Variants in COL28A1 observed in about 807,000 individuals in gnomAD.
COL28A1 encodes collagen alpha-1(XXVIII) chain.
COL28A1 carries 161 observed loss-of-function variants against 150.2 expected under a neutral mutation model. The observed-to-expected ratio is 1.07, with a 90% CI of 0.94 to 1.22. COL28A1 has a LOEUF of 1.22. Among genes scored for constraint, COL28A1 ranks in the 50% most tolerant of loss-of-function variants. COL28A1 has a pLI of 0.00. For missense variants in COL28A1, 1,617 were observed against 1,388.3 expected, an observed-to-expected ratio of 1.16 and a Z score of -2.62; for synonymous variants, 552 against 469.7, an observed-to-expected ratio of 1.18 and a Z score of -2.26.
At chr7:7,477,804 A>C (rs184989440) in intron 13 of COL28A1, among the ~76,000 whole-genome samples, 1 of 152,150 alleles carries the variant, frequency 6.6e-6, no homozygotes, top group African/African-American at 2.4e-5. Flanking sequence ...TCTGCTGGCT[A>C]GGGCAGCCTG....
At chr7:7,498,261 C>A (rs771465502) in intron 11 of COL28A1, among the ~76,000 whole-genome samples, 1 of 152,106 alleles carries the variant, frequency 6.6e-6, no homozygotes, top group Non-Finnish European at 1.5e-5. Context: ...GACCAGTCAG[C>A]AGCCCATTAG....
intron 22 of COL28A1, 56 bp from the exon 23 acceptor site, chr7:7,436,519 C>A: frequency 1.1e-6 from 1 of 900,836 alleles, no homozygotes. Flanking sequence ...ATCACAAGCA[C>A]ACATAGCAAA....
intron 27 of COL28A1, among the ~76,000 whole-genome samples, chr7:7,415,857 C>G (rs1784048347): frequency 6.6e-6 from 1 of 152,078 alleles, no homozygotes; most frequent in Admixed American, 6.5e-5. Context: ...GGCTGGAGTA[C>G]AGTGGCACTA....
At chr7:7,529,289 C>A (rs374990322) in intron 3 of COL28A1, among the ~76,000 whole-genome samples, 641 of 127,118 alleles carry the variant, frequency 5.0e-3, no homozygotes, top group Non-Finnish European at 6.0e-3. Flanking sequence ...AACTCTGTCT[C>A]AAAAAAAAAA....
rs147675518 is a variant in COL28A1, at chr7:7,457,950, T to A, written c.1303-1838A>T. Among the ~76,000 whole-genome samples, 709 of 152,340 alleles carry A rather than the reference T, an allele frequency of 4.7e-3. 5 individuals carry two copies. Among genetic ancestry groups the A allele is most frequent in the East Asian group, 0.022 (115 of 5,182 alleles). ...GCAGATACTTTGGGCTTGAGGGTCA[T>A]AATGATGTCTCTCGTAATTGATCAA... On this transcript the variant is annotated intron_variant, in intron 15 of 34. Coordinates refer to ENST00000399429, the MANE Select transcript of COL28A1 (RefSeq NM_001037763.3).
intron 33 of COL28A1, among the ~76,000 whole-genome samples, chr7:7,364,051 C>T (rs965132297): frequency 6.6e-6 from 1 of 152,116 alleles, no homozygotes; most frequent in African/African-American, 2.4e-5. Context: ...CAATATCAAC[C>T]CTTCCACCAC....
chr7:7,458,816 T>C (rs568630414), intron 15 of COL28A1, among the ~76,000 whole-genome samples: 58 of 152,318 alleles, frequency 3.8e-4, no homozygotes, highest in Non-Finnish European at 7.4e-5. Context: ...GTCCAACTCA[T>C]AGCCACTAGC....
chr7:7,443,723 T>G, intron 19 of COL28A1, 70 bp from the exon 20 acceptor site: 1 of 1,585,068 alleles, frequency 6.3e-7, no homozygotes, highest in Non-Finnish European at 8.6e-7. Flanking sequence ...TCCCACCTTG[T>G]CTCCTTTTAT....
At chr7:7,432,400 TTA>T in intron 25 of COL28A1, 71 bp downstream of exon 25, 4 of 1,254,840 alleles carry the variant, frequency 3.2e-6, no homozygotes, top group Non-Finnish European at 4.6e-6. Flanking sequence ...ATAAAAAATT[TTA>T]TTTTTACCAA....
At chr7:7,472,559 G>A (rs1038006557) in intron 15 of COL28A1, among the ~76,000 whole-genome samples, 4 of 152,152 alleles carry the variant, frequency 2.6e-5, no homozygotes, top group Non-Finnish European at 5.9e-5. Context: ...CCATGCTCAT[G>A]GATAGGTAGA....
intron 11 of COL28A1, among the ~76,000 whole-genome samples, chr7:7,491,954 C>A (rs944371892): frequency 6.6e-6 from 1 of 152,110 alleles, no homozygotes; most frequent in African/African-American, 2.4e-5. Context: ...TATAAAATTT[C>A]GGTGTATTTC....
intron 8 of COL28A1, among the ~76,000 whole-genome samples, chr7:7,513,372 T>C (rs150540738): frequency 1.3e-5 from 2 of 152,348 alleles, no homozygotes; most frequent in South Asian, 2.1e-4. Flanking sequence ...CACACTATCA[T>C]AGGCTGCAAG....
the COL28A1 span, among the ~76,000 whole-genome samples, chr7:7,348,232 A>G: frequency 6.6e-6 from 1 of 152,068 alleles, no homozygotes. Context: ...AGGACTTGCA[A>G]GTATCATTGG....
Position 7,418,677 on chromosome 7 carries a change from G to A in COL28A1, c.2068-750C>T, listed in dbSNP as rs377599805. 8.2e-4 allele frequency among the ~76,000 whole-genome samples: 124 copies of A among 152,054 alleles called. 2 individuals are homozygous for A. In the South Asian group the frequency reaches 0.017, roughly 21 times the overall value. On this transcript the variant is annotated intron_variant, in intron 26 of 34. Transcript: ENST00000399429. ...TTAATATAAGTTATTGTATAAGTCA[G>A]TCTTTTACTTTCCAGTATTAAAAAA...
intron 27 of COL28A1, 50 bp from the exon 28 acceptor site, chr7:7,381,662 T>A: frequency 6.9e-7 from 1 of 1,443,774 alleles, no homozygotes; most frequent in Non-Finnish European, 9.7e-7. Context: ...CAGGATAGCT[T>A]GGCTATTCTT....
the COL28A1 span, among the ~76,000 whole-genome samples, chr7:7,349,510 C>T: frequency 6.6e-6 from 1 of 152,122 alleles, no homozygotes; most frequent in African/African-American, 2.4e-5. Flanking sequence ...CTGTGAAATT[C>T]CTTTCTTTAC....
In COL28A1 at chr7:7,369,313, C is replaced by T. The variant is rs938720696; in HGVS notation, c.3066+1412G>A. On this transcript the variant is annotated intron_variant, in intron 33 of 34. Transcript: ENST00000399429. ...ATCAGGGTTGGCAAACCACTGTGGG[C>T]CAAATCTGAGTCACTATCTGTTCTT... Among the ~76,000 whole-genome samples, 39 of 152,156 alleles carry T rather than the reference C, an allele frequency of 2.6e-4. 1 individual carries two copies. Among genetic ancestry groups the T allele is most frequent in the Admixed American group, 2.4e-3 (36 of 15,272 alleles).
intron 3 of COL28A1, 79 bp downstream of exon 3, chr7:7,531,269 G>A: frequency 1.6e-6 from 1 of 610,698 alleles, no homozygotes; most frequent in South Asian, 2.6e-5. Context: ...TTTTGACCCA[G>A]TATCTCTTCT....
At chr7:7,513,024 T>C (rs1188393027) in intron 8 of COL28A1, among the ~76,000 whole-genome samples, 6 of 152,242 alleles carry the variant, frequency 3.9e-5, no homozygotes, top group Non-Finnish European at 7.3e-5. Context: ...CGTTGTAATA[T>C]AGTGGATTTA....
Sources: allele counts gnomAD v4.1 joint callset (sites outside exome capture counted in the v4.1 genomes callset), GRCh38; gene constraint gnomAD v4.1.1; transcripts MANE v1.5; gene names NCBI Gene and HGNC (gene_info 2026-07-23, HGNC 2026-07-21).